The following CDHR4 variants were observed in gnomAD, a reference collection of about 807,000 sequenced individuals.
CDHR4 encodes cadherin related family member 4, also known as cadherin-related family member 4.
A neutral mutation model predicts 88.4 loss-of-function variants in CDHR4; 89 were observed. The ratio of observed to expected loss-of-function variants is 1.01; its 90% CI spans 0.85 to 1.20. The LOEUF is 1.20. Among genes scored for constraint, CDHR4 ranks in the 50% most tolerant of loss-of-function variants. The probability of loss-of-function intolerance (pLI) is 0.00; values close to 1 mark genes in which losing one functional copy is unlikely to be tolerated. For synonymous variants in CDHR4, 368 were observed against 399.2 expected, an observed-to-expected ratio of 0.92 and a Z score of 0.93; for missense variants, 914 against 1,007.2, an observed-to-expected ratio of 0.91 and a Z score of 1.25.
Position 49,791,451 on chromosome 3 carries a change from T to C in CDHR4, c.2301A>G (p.Ala767=), listed in dbSNP as rs1559722332. Residue 767 remains alanine (A), a synonymous_variant, in exon 18 of 19, where the codon GCA becomes GCG. Transcript: ENST00000412678. ...SVMSLHFDGR[A]QDSRTGRDYL... ...AAGAGGGGGACTCACGGGAGTCCTG[T>C]GCTCTGCCATCAAAATGCTGCTGAG... The C allele has an allele frequency of 5.2e-6, 8 of 1,546,522 alleles. No homozygotes were observed. The highest frequency in any genetic ancestry group is 7.0e-6 in the Non-Finnish European group (8 of 1,145,532).
chr3:49,794,119 C>T, intron 10 of CDHR4, 113 bp from the exon 11 acceptor site: 1 of 1,092,026 alleles, frequency 9.2e-7, no homozygotes, highest in Admixed American at 2.3e-5. Context: ...AGAGGGTCTG[C>T]TGGGCGTGGT....
chr3:49,800,901 A>AG (rs2081351323), upstream of CDHR4, among the ~76,000 whole-genome samples: 1 of 151,574 alleles, frequency 6.6e-6, no homozygotes, highest in African/African-American at 2.4e-5. Flanking sequence ...AAAAAAAAAA[A>AG]ATTAGCTGAG....
Position 49,795,825 on chromosome 3 carries a change from T to C in CDHR4, c.711-61A>G. Reference sequence around the variant, plus strand: ...CCTGCTCAACCTGTGGGTCCACAGCTTCCTTCCCTGGGCCCCCTCCTGTCA... The same window carrying C: ...CCTGCTCAACCTGTGGGTCCACAGCCTCCTTCCCTGGGCCCCCTCCTGTCA... On this transcript the variant is annotated intron_variant, in intron 6 of 18. Transcript: ENST00000412678. The surrounding 1 kb of genome is among the most constrained non-coding windows in gnomAD (Gnocchi z 5.4). 1.3e-6 allele frequency: 2 copies of C among 1,543,822 alleles called. No homozygotes were observed. The highest frequency in any genetic ancestry group is 1.8e-6 in the Non-Finnish European group (2 of 1,142,070).
At chr3:49,802,829 G>C (rs2081380725), upstream of CDHR4, among the ~76,000 whole-genome samples, 1 of 152,226 alleles carries the variant, frequency 6.6e-6, no homozygotes, top group African/African-American at 2.4e-5. Context: ...TCCTCAGACG[G>C]GCTGAACCCC....
chr3:49,799,041 T>G lies in CDHR4; in HGVS notation c.356A>C (p.Gln119Pro), dbSNP rs1170065394. The G allele has an allele frequency of 1.1e-5, 18 of 1,600,746 alleles. No individual in the cohort carries two copies. Among genetic ancestry groups the G allele is most frequent in the Non-Finnish European group, 1.4e-5 (17 of 1,173,838 alleles). ...VMEGSLSVDVQRDLSHIQCAG... is the reference protein window; with the variant it reads ...VMEGSLSVDVPRDLSHIQCAG... ...ACACTGGATATGGCTAAGGTCCCGC[T>G]GCACATCCACAGAGAGTGAGCCCTC... The change falls in exon 3 of 19, where the codon CAG becomes CCG. Residue 119 changes from glutamine to proline, a missense_variant. Transcript: ENST00000412678.
chr3:49,792,705 A>C (rs1410647498), intron 14 of CDHR4, 95 bp from the exon 15 acceptor site: 6 of 1,504,626 alleles, frequency 4.0e-6, no homozygotes, highest in Non-Finnish European at 5.4e-6. Flanking sequence ...CCCCACACCC[A>C]TGATTTGCTC....
chr3:49,797,379 A>C (rs2081287807), intron 4 of CDHR4, among the ~76,000 whole-genome samples: 1 of 151,698 alleles, frequency 6.6e-6, no homozygotes, highest in Non-Finnish European at 1.5e-5. Flanking sequence ...ACTGGGTTCA[A>C]GTGATTCTCC....
intron 4 of CDHR4, 169 bp downstream of exon 4, chr3:49,798,657 T>G: frequency 1.6e-6 from 1 of 610,020 alleles, no homozygotes; most frequent in South Asian, 2.1e-5. Context: ...CACTGGGGAG[T>G]GAGCAGCCCT....
chr3:49,798,506 T>A (rs1334375053), intron 4 of CDHR4: 3 of 363,474 alleles, frequency 8.3e-6, no homozygotes. Flanking sequence ...GAGAATGGCA[T>A]GAACCTGGGA....
chr3:49,793,167 C>T lies in CDHR4; in HGVS notation c.1768G>A (p.Val590Met), dbSNP rs758571175. Residue 590 changes from valine to methionine, a missense_variant, in exon 13 of 19, where the codon GTG becomes ATG. By Grantham distance (21) the Val-to-Met change is conservative (BLOSUM62 1). Transcript: ENST00000412678. ...PQRLIYSYSI[V>M]GGNSQNRFIL... is the part of the protein sequence containing the mutation. ...TGGTGCCCATGTCCCCTACCTCCCA[C>T]GATGCTATAGGAGTAGATCAGGCGC... is the stretch of plus-strand genomic sequence containing the variant. 12 of 1,551,464 alleles carry T rather than the reference C, an allele frequency of 7.7e-6. No homozygotes were observed. Among genetic ancestry groups the T allele is most frequent in the Non-Finnish European group, 1.0e-5 (12 of 1,146,940 alleles).
chr3:49,796,157 C>G (rs1323170009), intron 5 of CDHR4, 111 bp from the exon 6 acceptor site: 4 of 665,170 alleles, frequency 6.0e-6, no homozygotes, highest in Non-Finnish European at 9.9e-6. Flanking sequence ...CCAAAAGGAT[C>G]TTCAACTTCC....
chr3:49,800,766 T>A (rs1203894573), upstream of CDHR4, among the ~76,000 whole-genome samples: 1 of 151,218 alleles, frequency 6.6e-6, no homozygotes, highest in African/African-American at 2.4e-5. Context: ...TCAGTTTTTT[T>A]AAGTTTTCTG....
chr3:49,799,891 G>T, upstream of CDHR4: 3 of 1,521,554 alleles, frequency 2.0e-6, no homozygotes, highest in Non-Finnish European at 2.7e-6. Context: ...TGCCAGGTCA[G>T]TTGCTCAAAC....
At position 49,795,840 on chromosome 3, in the gene CDHR4, C is replaced by T; in HGVS notation, c.711-76G>A. ...GGTCCACAGCTTCCTTCCCTGGGCCCCCTCCTGTCAGGGCTGGGACTCAGC... is the reference window on the plus strand; with the variant it reads ...GGTCCACAGCTTCCTTCCCTGGGCCTCCTCCTGTCAGGGCTGGGACTCAGC... On this transcript the variant is annotated intron_variant, in intron 6 of 18. Transcript: ENST00000412678. The surrounding 1 kb of genome is among the most constrained non-coding windows in gnomAD (Gnocchi z 5.4). 2 of 1,534,938 alleles carry T rather than the reference C, an allele frequency of 1.3e-6. No individual in the cohort carries two copies. Among genetic ancestry groups the T allele is most frequent in the Non-Finnish European group, 8.8e-7 (1 of 1,136,836 alleles).
In CDHR4 at chr3:49,799,310, C is replaced by T. The variant is rs1247659449; in HGVS notation, c.177G>A (p.Gln59=). The change falls in exon 2 of 19, where the codon CAG becomes CAA. Residue 59 remains glutamine (Q), a synonymous_variant. Coordinates refer to ENST00000412678, the MANE Select transcript of CDHR4 (RefSeq NM_001007540.4). ...GTGGGTTGAAGAAGGTGGTGGGTGG[C>T]TGGACATTGAGCAACTCCAGGGTGG... is the stretch of plus-strand genomic sequence containing the variant. ...PTPTLELLNV[Q]PPTTFFNPPS... is the part of the protein sequence containing the mutation. 1 of 1,613,896 alleles carries T rather than the reference C, an allele frequency of 6.2e-7. No homozygotes were observed.
rs375568412 is a variant in CDHR4, at chr3:49,799,430, G to T, written c.57C>A (p.Cys19Ter). 3 of 1,595,062 alleles carry T rather than the reference G, an allele frequency of 1.9e-6. No homozygotes were observed. The highest frequency in any genetic ancestry group is 3.5e-5 in the Admixed American group (2 of 56,478). Residue 19 changes from cysteine (C) to a stop codon, truncating the protein, a stop_gained, in exon 2 of 19, where the codon TGC (cysteine) becomes TGA (stop). Transcript: ENST00000412678. LOFTEE classifies it high-confidence loss of function. Reference protein sequence around the residue: ...FLFAPVVSDLCSLPCFINVSE... With the variant: ...FLFAPVVSDL The stretch of plus-strand genomic sequence containing the variant: ...AGACATTTATAAAGCAGGGCAGGCT[G>T]CAGAGGTCTGTGAAGAGCAGAGAAT...
intron 9 of CDHR4, 32 bp from the exon 10 acceptor site, chr3:49,794,733 C>A: frequency 6.5e-7 from 1 of 1,533,672 alleles, no homozygotes; most frequent in Non-Finnish European, 8.8e-7. Context: ...TGAGGTCCAG[C>A]CAGGGCCTGA....
At position 49,795,608 on chromosome 3, in the gene CDHR4, C is replaced by T; in HGVS notation, c.847+20G>A. 1 of 1,551,438 alleles carries T rather than the reference C, an allele frequency of 6.4e-7. No homozygotes were observed. Among genetic ancestry groups the T allele is most frequent in the Non-Finnish European group, 8.7e-7 (1 of 1,146,884 alleles). On this transcript the variant is annotated intron_variant, in intron 7 of 18. Coordinates refer to ENST00000412678, the MANE Select transcript of CDHR4 (RefSeq NM_001007540.4). This position sits in a 1 kb window ranked among gnomAD's most constrained non-coding sequence, Gnocchi z 5.4. ...ACAGAGGCATCCCAGTACCTGCCCC[C>T]ACCCCCCAACACCTCTCACCACGAC...
At position 49,799,264 on chromosome 3, in the gene CDHR4, C is replaced by T; in HGVS notation, c.223G>A (p.Gly75Arg). 1 of 1,613,782 alleles carries T rather than the reference C, an allele frequency of 6.2e-7. No individual in the cohort carries two copies. Among genetic ancestry groups the T allele is most frequent in the Non-Finnish European group, 8.5e-7 (1 of 1,179,726 alleles). ...FNPPSLARWQ[G>R]TYVGKLTLSS... is the part of the protein sequence containing the mutation. ...GACCCTACCTTGCCCACATAGGTCC[C>T]TTGCCACCTGGCCAAGCTGGGTGGG... The change falls in exon 2 of 19, where the codon GGG (glycine) becomes AGG (arginine). Residue 75 changes from glycine (G) to arginine (R), a missense_variant. Transcript: ENST00000412678.
Sources: gnomAD v4.1 joint callset for allele counts (sites outside exome capture counted in the v4.1 genomes callset) on GRCh38, gnomAD v4.1.1 for gene constraint, Gnocchi (gnomAD v3.1) non-coding constraint, MANE v1.5 for transcripts, NCBI Gene and HGNC (gene_info 2026-07-23, HGNC 2026-07-21) for gene names.